AAK1: variants seen among roughly 807,000 people sequenced by gnomAD.
The protein encoded by AAK1 is AP2 associated kinase 1.
Under a neutral mutation model 116.0 loss-of-function variants are expected in AAK1, and 37 were observed. That is an observed-to-expected ratio of 0.32 (90% CI 0.25 to 0.42). The LOEUF (loss-of-function observed/expected upper bound fraction) is 0.42. AAK1 is among the 10% of genes least tolerant of loss of function. The pLI is 1.00. For synonymous variants in AAK1, 458 were observed against 439.9 expected, an observed-to-expected ratio of 1.04 and a Z score of -0.51; for missense variants, 919 against 1,170.6, an observed-to-expected ratio of 0.79 and a Z score of 3.14.
chr2:69,634,362 C>G (rs970980322), intron 2 of AAK1, among the ~76,000 whole-genome samples: 2 of 152,194 alleles, frequency 1.3e-5, no homozygotes, highest in Non-Finnish European at 2.9e-5. Context: ...ATCTGTACAG[C>G]TGGAGTAATA....
chr2:69,615,032 G>A (rs913097752), intron 2 of AAK1, among the ~76,000 whole-genome samples: 1 of 152,176 alleles, frequency 6.6e-6, no homozygotes, highest in Non-Finnish European at 1.5e-5. Context: ...CACCCAGTTT[G>A]TGGTCATTTG....
intron 2 of AAK1, among the ~76,000 whole-genome samples, chr2:69,611,992 G>A (rs989294507): frequency 6.6e-6 from 1 of 152,186 alleles, no homozygotes; most frequent in Non-Finnish European, 1.5e-5. Context: ...CCAGGGGCTT[G>A]GGGGAGAAAG....
chr2:69,601,586 T>C (rs1222059981), intron 2 of AAK1, among the ~76,000 whole-genome samples: 2 of 152,120 alleles, frequency 1.3e-5, no homozygotes, highest in African/African-American at 4.8e-5. Flanking sequence ...GGTTACAAGC[T>C]ACAGCCAATC....
intron 7 of AAK1, 68 bp downstream of exon 7, chr2:69,530,557 A>C: frequency 7.4e-7 from 1 of 1,349,524 alleles, no homozygotes; most frequent in Non-Finnish European, 1.1e-6. Context: ...CGCTGTGTGC[A>C]TTAACCTTGG....
chr2:69,568,690 A>G (rs1222388530), intron 2 of AAK1, among the ~76,000 whole-genome samples: 1 of 152,104 alleles, frequency 6.6e-6, no homozygotes, highest in Non-Finnish European at 1.5e-5. Flanking sequence ...TCCAGACACA[A>G]CTACTTTTTC....
chr2:69,509,497 T>TAA, intron 13 of AAK1, 37 bp from the exon 14 acceptor site: 3 of 1,388,964 alleles, frequency 2.2e-6, no homozygotes, highest in Non-Finnish European at 2.9e-6. Context: ...TTCATTAAAT[T>TAA]AAAAAAAAAA....
intron 2 of AAK1, among the ~76,000 whole-genome samples, chr2:69,564,917 C>T (rs997143409): frequency 6.6e-6 from 1 of 152,168 alleles, no homozygotes; most frequent in Non-Finnish European, 1.5e-5. Context: ...GAAGGTGTTC[C>T]TGCCTTTCCC....
rs1159972416 is a variant in AAK1 at position 69,530,074 on chromosome 2, T to C, written c.805A>G (p.Ile269Val). Residue 269 changes from isoleucine (I) to valine (V), a missense_variant, in exon 8 of 22, where the codon ATT (isoleucine) becomes GTT (valine). Physicochemically the swap from Ile to Val is conservative, Grantham distance 29 (BLOSUM62 3). Around this residue, in one of 4 missense-constraint regions of AAK1, gnomAD observed 317 missense variants for 490.4 expected, o/e 0.65. Transcript: ENST00000409085. ...TLPFGESQVA[I>V]CDGNFTIPDN... ...GGAATTGTGAAGTTTCCATCACAAA[T>C]TGCCACCTGACTTTCCCCAAATGGC... 1.9e-6 allele frequency: 3 copies of C among 1,610,682 alleles called. No homozygotes were observed. The highest frequency in any genetic ancestry group is 1.7e-6 in the Non-Finnish European group (2 of 1,178,540).
chr2:69,489,367 C>T (rs1231075780), intron 17 of AAK1, among the ~76,000 whole-genome samples: 4 of 149,844 alleles, frequency 2.7e-5, no homozygotes, highest in Admixed American at 6.7e-5. Context: ...AGGAGAATTG[C>T]TTGAAGCCAG....
In AAK1 at chr2:69,643,658, A is replaced by G. The variant is rs913079362; in HGVS notation, c.-318T>C. The G allele has an allele frequency of 4.9e-6, 6 of 1,226,378 alleles. No homozygotes were observed. Among genetic ancestry groups the G allele is most frequent in the African/African-American group, 1.6e-5 (1 of 64,090 alleles). 76.0% of individuals were successfully genotyped at this position (1,226,378 alleles called of 1,614,324 possible). On this transcript the variant is annotated 5_prime_UTR_variant, in exon 1 of 22. Transcript: ENST00000409085. ...CGGGCCGGCCTGCGACGCAGAGAAG[A>G]GGCGGCGCTGCAGCGAGAGCCGGGG...
chr2:69,505,508 T>C (rs1002505188), intron 16 of AAK1, 61 bp downstream of exon 16: 2 of 1,360,254 alleles, frequency 1.5e-6, no homozygotes, highest in Non-Finnish European at 2.1e-6. Context: ...ATCTGTGGAG[T>C]AAAAAACAGT....
At chr2:69,524,325 C>T (rs894730302) in intron 10 of AAK1, among the ~76,000 whole-genome samples, 4 of 152,230 alleles carry the variant, frequency 2.6e-5, no homozygotes, top group Admixed American at 6.5e-5. Flanking sequence ...AATTCTCCTG[C>T]CTCAGCCTCC....
intron 2 of AAK1, among the ~76,000 whole-genome samples, chr2:69,589,161 T>C (rs539580089): frequency 6.6e-6 from 1 of 151,934 alleles, no homozygotes; most frequent in Non-Finnish European, 1.5e-5. Context: ...TGGAGAGGAG[T>C]TGCACAGTCC....
At chr2:69,546,785 C>T (rs1369381899) in intron 3 of AAK1, among the ~76,000 whole-genome samples, 1 of 151,652 alleles carries the variant, frequency 6.6e-6, no homozygotes, top group African/African-American at 2.4e-5. Flanking sequence ...CCCTCATCTG[C>T]TGGTTAATAA....
chr2:69,571,197 A>G (rs371514427), intron 2 of AAK1, among the ~76,000 whole-genome samples: 3 of 152,298 alleles, frequency 2.0e-5, no homozygotes, highest in East Asian at 3.9e-4. Context: ...GTATTATGTC[A>G]AGTGATCCTC....
chr2:69,581,039 A>T (rs1271515414), intron 2 of AAK1, among the ~76,000 whole-genome samples: 1 of 152,170 alleles, frequency 6.6e-6, no homozygotes, highest in Non-Finnish European at 1.5e-5. Flanking sequence ...CATGCTTTAC[A>T]TATTAGATAT....
intron 2 of AAK1, among the ~76,000 whole-genome samples, chr2:69,626,865 G>A (rs1467014840): frequency 6.6e-6 from 1 of 151,900 alleles, no homozygotes; most frequent in Non-Finnish European, 1.5e-5. Flanking sequence ...TGATTCTACC[G>A]TCAATCATTC....
intron 13 of AAK1, among the ~76,000 whole-genome samples, chr2:69,511,983 C>T (rs768690075): frequency 4.6e-5 from 7 of 152,124 alleles, no homozygotes; most frequent in Admixed American, 3.9e-4. Context: ...TTTAAAGGGA[C>T]CTTAGAAAAT....
chr2:69,522,279 T>C (rs1337570423), intron 10 of AAK1, among the ~76,000 whole-genome samples: 5 of 152,170 alleles, frequency 3.3e-5, no homozygotes, highest in African/African-American at 1.2e-4. Context: ...ACAGCCTCCA[T>C]GAATGTAAAA....
Sources: allele counts gnomAD v4.1 joint callset (sites outside exome capture counted in the v4.1 genomes callset), GRCh38; gene constraint gnomAD v4.1.1; regional missense constraint gnomAD v4.1.1; transcripts MANE v1.5; gene names NCBI Gene and HGNC (gene_info 2026-07-23, HGNC 2026-07-21).